Variants in TBCEL observed in about 807,000 individuals in gnomAD.
TBCEL encodes the protein tubulin folding cofactor E like, also known as tubulin-specific chaperone cofactor E-like protein.
In TBCEL, 15 loss-of-function variants were observed where a neutral mutation model predicts 44.2. The observed-to-expected ratio is 0.34, with a 90% CI of 0.23 to 0.52. The LOEUF (loss-of-function observed/expected upper bound fraction) is 0.52. Among genes scored for constraint, TBCEL ranks in the 20% least tolerant of loss-of-function variants. The probability of loss-of-function intolerance (pLI) is 0.95; values close to 1 mark genes in which losing one functional copy is unlikely to be tolerated. For synonymous variants in TBCEL, 171 were observed against 185.4 expected, an observed-to-expected ratio of 0.92 and a Z score of 0.63; for missense variants, 319 against 506.3, an observed-to-expected ratio of 0.63 and a Z score of 3.55.
At chr11:121,049,790 G>A (rs1377038454) in intron 4 of TBCEL, among the ~76,000 whole-genome samples, 1 of 151,740 alleles carries the variant, frequency 6.6e-6, no homozygotes, top group East Asian at 1.9e-4. Flanking sequence ...GCTACCTCAG[G>A]AGGAAGATGT....
At chr11:121,041,001 C>G (rs1945322674) in intron 2 of TBCEL, among the ~76,000 whole-genome samples, 1 of 152,158 alleles carries the variant, frequency 6.6e-6, no homozygotes, top group Non-Finnish European at 1.5e-5. Flanking sequence ...TTTTAGCACT[C>G]TGTGGGGTAC....
rs1400015926 is a variant in TBCEL, at chr11:121,058,429, A to G, written c.797A>G (p.Gln266Arg). 1.2e-6 allele frequency: 2 copies of G among 1,612,098 alleles called. No homozygotes were observed. The highest frequency in any genetic ancestry group is 1.7e-4 in the Middle Eastern group (1 of 6,048). The stretch of plus-strand genomic sequence containing the variant: ...AGATTGTTAGGAATTCCTCTTCTGC[A>G]GCCATATACCACCGAGGAGCGAAGG... ...EVRLLGIPLL[Q>R]PYTTEERRKL... Residue 266 changes from glutamine (Q) to arginine (R), a missense_variant, in exon 7 of 9, where the codon CAG (glutamine) becomes CGG (arginine). Gln to Arg is a conservative substitution (Grantham distance 43). Coordinates refer to ENST00000683345, the MANE Select transcript of TBCEL (RefSeq NM_001363644.2).
chr11:121,069,049 T>C (rs1470069374), intron 8 of TBCEL, among the ~76,000 whole-genome samples: 2 of 152,166 alleles, frequency 1.3e-5, no homozygotes, highest in Non-Finnish European at 2.9e-5. Context: ...CCGAGATTCC[T>C]TCTCTCCTCA....
intron 8 of TBCEL, among the ~76,000 whole-genome samples, chr11:121,072,364 A>T (rs1040574405): frequency 6.6e-6 from 1 of 152,214 alleles, no homozygotes; most frequent in Non-Finnish European, 1.5e-5. Context: ...CAGTAAAACA[A>T]TACTAAAAAA....
chr11:121,037,274 A>G (rs1447529256), intron 2 of TBCEL, among the ~76,000 whole-genome samples: 2 of 152,348 alleles, frequency 1.3e-5, no homozygotes, highest in South Asian at 4.1e-4. Context: ...TTAGAATGCT[A>G]AGAGTTAAGT....
chr11:121,030,529 G>C (rs1945124481), intron 1 of TBCEL, among the ~76,000 whole-genome samples: 1 of 152,180 alleles, frequency 6.6e-6, no homozygotes, highest in South Asian at 2.1e-4. Flanking sequence ...AAGTAATAGA[G>C]ATGGACAAAA....
intron 8 of TBCEL, 32 bp from the exon 9 acceptor site, chr11:121,086,746 T>G (rs375088766): frequency 1.3e-6 from 2 of 1,542,274 alleles, no homozygotes; most frequent in Admixed American, 1.8e-5. Flanking sequence ...GCTAGTAGTT[T>G]AAGCTGACAG....
intron 1 of TBCEL, among the ~76,000 whole-genome samples, chr11:121,032,061 A>G (rs527927487): frequency 6.6e-6 from 1 of 152,340 alleles, no homozygotes; most frequent in Non-Finnish European, 1.5e-5. Flanking sequence ...TTCCTATTAG[A>G]AGAAATAACT....
chr11:121,035,495 G>T (rs1945216156), intron 1 of TBCEL: 1 of 148,596 alleles, frequency 6.7e-6, no homozygotes. Context: ...TTAATGACCT[G>T]CAGACTTTTG....
chr11:121,085,181 GGC>G (rs1046419424), intron 8 of TBCEL, among the ~76,000 whole-genome samples: 4 of 151,958 alleles, frequency 2.6e-5, no homozygotes, highest in African/African-American at 4.8e-5. Flanking sequence ...TGGGACTACA[GGC>G]GCGCACCACC....
chr11:121,038,368 T>C (rs1945271992), intron 2 of TBCEL, among the ~76,000 whole-genome samples: 1 of 152,186 alleles, frequency 6.6e-6, no homozygotes, highest in South Asian at 2.1e-4. Context: ...ATGTAACATA[T>C]ACATATGCTT....
Position 121,055,307 on chromosome 11 carries a change from A to G in TBCEL, c.711A>G (p.Ser237=). ...PNLRSISLHK[S]GLQSWEDIDK... is the part of the protein sequence containing the mutation. ...TTCGATCCATCAGCCTCCACAAGTCAGGTGAGGTTCAGGCTTGTTCTTATT... is the reference window on the plus strand; with the variant it reads ...TTCGATCCATCAGCCTCCACAAGTCGGGTGAGGTTCAGGCTTGTTCTTATT... Residue 237 remains serine, a splice_region_variant and synonymous_variant, in exon 6 of 9, where the codon TCA becomes TCG. Transcript: ENST00000683345. 6.2e-7 allele frequency: 1 copy of G among 1,606,770 alleles called. No individual in the cohort carries two copies. Among genetic ancestry groups the G allele is most frequent in the South Asian group, 1.1e-5 (1 of 89,738 alleles).
intron 8 of TBCEL, among the ~76,000 whole-genome samples, chr11:121,070,900 G>A (rs1042137485): frequency 6.6e-6 from 1 of 151,642 alleles, no homozygotes; most frequent in Non-Finnish European, 1.5e-5. Context: ...TAGTAAAGGA[G>A]GATATGTGTG....
At chr11:121,036,733 T>G (rs1157138880) in intron 2 of TBCEL, 121 bp downstream of exon 2, 1 of 152,202 alleles carries the variant, frequency 6.6e-6, no homozygotes, top group Non-Finnish European at 1.5e-5. Context: ...TGTTTATGTA[T>G]GGTGGACTAC....
intron 2 of TBCEL, among the ~76,000 whole-genome samples, chr11:121,043,005 GC>G (rs1945361674): frequency 6.6e-6 from 1 of 152,082 alleles, no homozygotes; most frequent in South Asian, 2.1e-4. Flanking sequence ...CTTTACAATG[GC>G]CCTTTAATCC....
At chr11:121,062,366 A>G (rs1447583925) in intron 8 of TBCEL, among the ~76,000 whole-genome samples, 1 of 152,160 alleles carries the variant, frequency 6.6e-6, no homozygotes, top group Admixed American at 6.5e-5. Flanking sequence ...TAAGCCAGTA[A>G]CATGGTCATT....
chr11:121,043,230 AT>A (rs1317601215), intron 2 of TBCEL, among the ~76,000 whole-genome samples: 4 of 152,130 alleles, frequency 2.6e-5, no homozygotes, highest in African/African-American at 7.2e-5. Flanking sequence ...GAGGCTAGCG[AT>A]TTTAATACTC....
chr11:121,036,213 G>T (rs947788744), intron 1 of TBCEL: 2 of 152,156 alleles, frequency 1.3e-5, no homozygotes, highest in African/African-American at 4.8e-5. Context: ...CATTTGGTTT[G>T]GGGACATCAG....
intron 4 of TBCEL, 27 bp from the exon 5 acceptor site, chr11:121,053,524 A>G (rs1945566144): frequency 6.2e-7 from 1 of 1,606,898 alleles, no homozygotes; most frequent in Non-Finnish European, 8.5e-7. Context: ...TTACTGCCTG[A>G]TAATGCTTTT....
Sources: gnomAD v4.1 joint callset for allele counts (sites outside exome capture counted in the v4.1 genomes callset) on GRCh38, gnomAD v4.1.1 for gene constraint, MANE v1.5 for transcripts, NCBI Gene and HGNC (gene_info 2026-07-23, HGNC 2026-07-21) for gene names.